The following SLC4A4 variants were observed in gnomAD, a reference collection of about 807,000 sequenced individuals.
SLC4A4 encodes the protein electrogenic sodium bicarbonate cotransporter 1.
Under a neutral mutation model 111.5 loss-of-function variants are expected in SLC4A4, and 27 were observed. That is an observed-to-expected ratio of 0.24 (90% confidence interval 0.18 to 0.33). The LOEUF (loss-of-function observed/expected upper bound fraction) is 0.33, where lower values mean the gene tolerates loss of function less well. Among genes scored for constraint, SLC4A4 ranks in the 10% least tolerant of loss-of-function variants. The pLI is 1.00. For missense variants in SLC4A4, 909 were observed against 1,315.5 expected (o/e 0.69, Z 4.78); for synonymous variants, 443 against 463.4 (o/e 0.96, Z 0.57).
intron 2 of SLC4A4, among the ~76,000 whole-genome samples, chr4:71,177,956 G>T (rs1298584177): frequency 1.3e-5 from 2 of 152,094 alleles, no homozygotes; most frequent in African/African-American, 2.4e-5. Flanking sequence ...AAATGTAAAA[G>T]AACAGAAATT....
At chr4:71,321,673 G>A (rs761508284) in intron 3 of SLC4A4, among the ~76,000 whole-genome samples, 1 of 151,890 alleles carries the variant, frequency 6.6e-6, no homozygotes, top group Non-Finnish European at 1.5e-5. Flanking sequence ...ACAAAGCAGA[G>A]GGGCAAAGAA....
At chr4:71,231,996 C>T (rs1719462629) in intron 1 of SLC4A4, among the ~76,000 whole-genome samples, 1 of 152,162 alleles carries the variant, frequency 6.6e-6, no homozygotes, top group Non-Finnish European at 1.5e-5. Flanking sequence ...GTGCTGAATT[C>T]CTGTATTTTG....
chr4:71,405,095 C>T (rs567723809), intron 7 of SLC4A4, among the ~76,000 whole-genome samples: 42 of 152,034 alleles, frequency 2.8e-4, no homozygotes, highest in Non-Finnish European at 4.7e-4. Flanking sequence ...GGATTATAAG[C>T]GTAAGCCACT....
At chr4:71,156,582 G>GCA (rs562437625) in intron 2 of SLC4A4, among the ~76,000 whole-genome samples, 10,355 of 111,822 alleles carry the variant, frequency 0.093, 494 homozygotes, top group Middle Eastern at 0.19. Context: ...ATGCGCGCGC[G>GCA]CGCGCGCACA....
intron 3 of SLC4A4, among the ~76,000 whole-genome samples, chr4:71,272,576 C>T (rs978869023): frequency 4.6e-5 from 7 of 152,082 alleles, no homozygotes; most frequent in Non-Finnish European, 8.8e-5. Context: ...GAAGAAAGAC[C>T]ATCTTGCCTC....
chr4:71,277,847 G>A (rs1389130908), intron 3 of SLC4A4, among the ~76,000 whole-genome samples: 2 of 152,004 alleles, frequency 1.3e-5, no homozygotes, highest in Admixed American at 6.6e-5. Flanking sequence ...TAAATTTAAG[G>A]TGTACAATGT....
At chr4:71,359,564 C>A (rs569551588) in intron 6 of SLC4A4, among the ~76,000 whole-genome samples, 68 of 152,184 alleles carry the variant, frequency 4.5e-4, no homozygotes, top group African/African-American at 1.6e-3. Flanking sequence ...GCGTAGTTAC[C>A]TTTATATCTT....
At chr4:71,365,932 A>T (rs937939924) in intron 6 of SLC4A4, among the ~76,000 whole-genome samples, 1 of 152,182 alleles carries the variant, frequency 6.6e-6, no homozygotes, top group African/African-American at 2.4e-5. Context: ...CCACAAGGGG[A>T]TGAGCTTCCT....
intron 2 of SLC4A4, among the ~76,000 whole-genome samples, chr4:71,245,020 A>G (rs993172385): frequency 6.6e-6 from 1 of 152,280 alleles, no homozygotes; most frequent in Non-Finnish European, 1.5e-5. Context: ...TATATCTCCT[A>G]CAGAATAACA....
At chr4:71,259,917 T>C (rs1311252416) in intron 3 of SLC4A4, among the ~76,000 whole-genome samples, 2 of 152,198 alleles carry the variant, frequency 1.3e-5, no homozygotes, top group Non-Finnish European at 2.9e-5. Flanking sequence ...ATGTGTAAGA[T>C]ATTTCTTGAC....
chr4:71,065,710 T>G (rs537470849), intron 1 of SLC4A4, among the ~76,000 whole-genome samples: 5 of 152,246 alleles, frequency 3.3e-5, no homozygotes, highest in African/African-American at 1.2e-4. Flanking sequence ...TGCCCTTACA[T>G]CCTTCCCTTC....
At chr4:71,349,563 C>T (rs1402727501) in intron 4 of SLC4A4, among the ~76,000 whole-genome samples, 1 of 152,156 alleles carries the variant, frequency 6.6e-6, no homozygotes, top group Non-Finnish European at 1.5e-5. Flanking sequence ...GCTGTACCCA[C>T]ATGGAGAATT....
At chr4:71,199,134 T>C (rs1177616610) in intron 1 of SLC4A4, among the ~76,000 whole-genome samples, 1 of 152,240 alleles carries the variant, frequency 6.6e-6, no homozygotes, top group East Asian at 1.9e-4. Context: ...TGTTCTTTGA[T>C]GTCGTCAGGT....
chr4:71,414,664 T>A (rs1484277396), intron 7 of SLC4A4, among the ~76,000 whole-genome samples: 1 of 152,180 alleles, frequency 6.6e-6, no homozygotes, highest in Non-Finnish European at 1.5e-5. Flanking sequence ...GAAACTATAT[T>A]TTTTATTTTT....
chr4:71,125,586 T>A (rs1055335794), intron 2 of SLC4A4, among the ~76,000 whole-genome samples: 2 of 152,214 alleles, frequency 1.3e-5, no homozygotes, highest in Non-Finnish European at 2.9e-5. Context: ...TAATCAGGTC[T>A]GACAAAGCTT....
chr4:71,512,115 T>C (rs892401502), intron 16 of SLC4A4, among the ~76,000 whole-genome samples: 1 of 152,116 alleles, frequency 6.6e-6, no homozygotes, highest in African/African-American at 2.4e-5. Context: ...ATATAGTGAT[T>C]TCCTTTCCTT....
intron 6 of SLC4A4, among the ~76,000 whole-genome samples, chr4:71,394,092 C>A (rs1015030108): frequency 6.6e-6 from 1 of 152,084 alleles, no homozygotes; most frequent in South Asian, 2.1e-4. Context: ...CCCTTATAAA[C>A]GTTGGCTTAA....
intron 2 of SLC4A4, among the ~76,000 whole-genome samples, chr4:71,251,722 T>C (rs1037566281): frequency 2.6e-5 from 4 of 152,186 alleles, no homozygotes; most frequent in African/African-American, 4.8e-5. Flanking sequence ...GTAACATTTA[T>C]TTTGATAACA....
intron 3 of SLC4A4, among the ~76,000 whole-genome samples, chr4:71,318,557 GA>G (rs1343924020): frequency 2.6e-5 from 4 of 151,344 alleles, no homozygotes; most frequent in Non-Finnish European, 4.4e-5. Flanking sequence ...AGTGACCAAA[GA>G]AAAAAACCAA....
Sources: allele counts gnomAD v4.1 joint callset (sites outside exome capture counted in the v4.1 genomes callset), GRCh38; gene constraint gnomAD v4.1.1; transcripts MANE v1.5; gene names NCBI Gene and HGNC (gene_info 2026-07-23, HGNC 2026-07-21).